JAK2: variants seen among roughly 807,000 people sequenced by gnomAD.
The protein encoded by JAK2 is tyrosine-protein kinase JAK2.
In JAK2, 86 loss-of-function variants were observed where a neutral mutation model predicts 139.3. The observed-to-expected ratio is 0.62, with a 90% CI of 0.52 to 0.74. JAK2 has a LOEUF of 0.74. Ranked by LOEUF, JAK2 falls within the 30% of genes least tolerant of loss-of-function variation. The probability of loss-of-function intolerance (pLI) is 0.00; values close to 1 mark genes in which losing one functional copy is unlikely to be tolerated. For synonymous variants in JAK2, 490 were observed against 437.7 expected, an observed-to-expected ratio of 1.12 and a Z score of -1.49; for missense variants, 1,421 against 1,360.3, an observed-to-expected ratio of 1.04 and a Z score of -0.70.
At chr9:4,998,740 A>C (rs1296002257) in intron 2 of JAK2, among the ~76,000 whole-genome samples, 1 of 139,206 alleles carries the variant, frequency 7.2e-6, no homozygotes, top group Non-Finnish European at 1.6e-5. Context: ...ACCACAAAAA[A>C]CAAAAAAAAA....
At chr9:5,008,685 CCTTTG>C in intron 2 of JAK2, among the ~76,000 whole-genome samples, 1 of 152,216 alleles carries the variant, frequency 6.6e-6, no homozygotes, top group East Asian at 1.9e-4. Flanking sequence ...GTGTTTGGAT[CCTTTG>C]CTTTGATTTG....
chr9:5,115,560 G>A (rs1043967866), intron 22 of JAK2, among the ~76,000 whole-genome samples: 11 of 152,072 alleles, frequency 7.2e-5, no homozygotes, highest in African/African-American at 2.7e-4. Context: ...TCCATTACTG[G>A]GTATATACCC....
chr9:5,062,196 T>G (rs1818225704), intron 8 of JAK2, among the ~76,000 whole-genome samples: 1 of 151,976 alleles, frequency 6.6e-6, no homozygotes, highest in Admixed American at 6.6e-5. Flanking sequence ...TGCATATGTG[T>G]AGGGCTGACA....
At chr9:4,999,837 T>A (rs1302384035) in intron 2 of JAK2, among the ~76,000 whole-genome samples, 3 of 152,206 alleles carry the variant, frequency 2.0e-5, no homozygotes, top group African/African-American at 4.8e-5. Flanking sequence ...TTTTTCCCAA[T>A]ATTTAGACTT....
intron 4 of JAK2, among the ~76,000 whole-genome samples, chr9:5,033,631 A>T (rs556740560): frequency 6.6e-6 from 1 of 152,322 alleles, no homozygotes; most frequent in South Asian, 2.1e-4. Flanking sequence ...TGTCATATCC[A>T]GCCAAACTAA....
chr9:5,122,983 A>G, intron 22 of JAK2, 21 bp from the exon 23 acceptor site: 1 of 1,484,968 alleles, frequency 6.7e-7, no homozygotes, highest in Non-Finnish European at 9.3e-7. Context: ...TGTCTTTTAA[A>G]TGTTATTCAT....
intron 22 of JAK2, among the ~76,000 whole-genome samples, chr9:5,104,566 C>T (rs1224870993): frequency 6.6e-6 from 1 of 152,114 alleles, no homozygotes; most frequent in Non-Finnish European, 1.5e-5. Flanking sequence ...TTTATGAGGC[C>T]AGCATCAGCC....
At chr9:5,074,125 A>C (rs898178222) in intron 14 of JAK2, among the ~76,000 whole-genome samples, 5 of 152,136 alleles carry the variant, frequency 3.3e-5, no homozygotes, top group Non-Finnish European at 7.4e-5. Context: ...ACTTATCTGG[A>C]ATTATGAAGA....
chr9:5,051,476 G>T lies in JAK2; in HGVS notation c.614+645G>T, dbSNP rs142062173. 2.0e-5 allele frequency among the ~76,000 whole-genome samples: 3 copies of T among 152,224 alleles called. No individual in the cohort carries two copies. The East Asian group carries it at 5.8e-4, about 29-fold the overall frequency. ...AAGATTTCTGGGTCCTAATCCAAGA[G>T]ATTTGGATTCAGTAAATCTGAGTTG... On this transcript the variant is annotated intron_variant, in intron 6 of 24. Transcript: ENST00000381652.
At chr9:5,043,871 A>G (rs1816801536) in intron 4 of JAK2, among the ~76,000 whole-genome samples, 1 of 152,210 alleles carries the variant, frequency 6.6e-6, no homozygotes, top group African/African-American at 2.4e-5. Context: ...CTAAAATTAG[A>G]TTGTGATATT....
chr9:4,998,595 C>T (rs1820736613), intron 2 of JAK2, among the ~76,000 whole-genome samples: 1 of 151,872 alleles, frequency 6.6e-6, no homozygotes, highest in African/African-American at 2.4e-5. Context: ...AGCACTTGTC[C>T]CATATTTGTT....
intron 22 of JAK2, among the ~76,000 whole-genome samples, chr9:5,093,451 T>G (rs1820739507): frequency 6.6e-6 from 1 of 152,200 alleles, no homozygotes; most frequent in East Asian, 1.9e-4. Context: ...TCATGAGGGT[T>G]CAGCTGTCTC....
At chr9:5,006,002 TTAAAG>T (rs1821274600) in intron 2 of JAK2, among the ~76,000 whole-genome samples, 2 of 152,212 alleles carry the variant, frequency 1.3e-5, no homozygotes, top group African/African-American at 4.8e-5. Context: ...CATATGAACT[TTAAAG>T]TAGTTTTTTC....
upstream of JAK2, chr9:4,984,755 A>C (rs1262246952): frequency 6.6e-6 from 1 of 152,218 alleles, no homozygotes; most frequent in African/African-American, 2.4e-5. Flanking sequence ...CGCGCTGGGG[A>C]GCCAGCCAGG....
At chr9:4,995,563 G>C (rs578028325) in intron 2 of JAK2, among the ~76,000 whole-genome samples, 1 of 152,306 alleles carries the variant, frequency 6.6e-6, no homozygotes, top group East Asian at 1.9e-4. Context: ...TGTGTATGTA[G>C]TTGGATCTAT....
chr9:4,988,816 C>T (rs1047463446), intron 2 of JAK2, among the ~76,000 whole-genome samples: 1 of 152,146 alleles, frequency 6.6e-6, no homozygotes, highest in African/African-American at 2.4e-5. Flanking sequence ...CCATTTTCTA[C>T]CCCTTAATTT....
At chr9:5,048,484 A>T (rs1272525636) in intron 5 of JAK2, among the ~76,000 whole-genome samples, 1 of 152,132 alleles carries the variant, frequency 6.6e-6, no homozygotes. Context: ...TATTAAAAAG[A>T]ATCTACCAAG....
intron 2 of JAK2, among the ~76,000 whole-genome samples, chr9:5,013,665 T>C (rs962698024): frequency 5.3e-5 from 8 of 152,238 alleles, no homozygotes; most frequent in African/African-American, 1.7e-4. Flanking sequence ...AAAATTCTAT[T>C]TTCCTTTTAA....
intron 14 of JAK2, among the ~76,000 whole-genome samples, chr9:5,076,441 A>G (rs1465040293): frequency 2.6e-5 from 4 of 152,218 alleles, no homozygotes; most frequent in African/African-American, 9.6e-5. Context: ...ATTAACATCA[A>G]GCAAAAAGAT....
Sources: gnomAD v4.1 joint callset for allele counts (sites outside exome capture counted in the v4.1 genomes callset) on GRCh38, gnomAD v4.1.1 for gene constraint, MANE v1.5 for transcripts, NCBI Gene and HGNC (gene_info 2026-07-23, HGNC 2026-07-21) for gene names.